Variants in WARS2 observed in about 807,000 individuals in gnomAD.
WARS2 encodes tryptophanyl tRNA synthetase 2, mitochondrial.
A neutral mutation model predicts 36.5 loss-of-function variants in WARS2; 28 were observed. The observed-to-expected ratio is 0.77, with a 90% CI of 0.57 to 1.05. The LOEUF is 1.05. Ranked by LOEUF, WARS2 falls within the 50% of genes least tolerant of loss-of-function variation. WARS2 has a pLI of 0.00. For synonymous variants in WARS2, 174 were observed against 178.4 expected, an observed-to-expected ratio of 0.98 and a Z score of 0.20; for missense variants, 435 against 456.8, an observed-to-expected ratio of 0.95 and a Z score of 0.44.
At chr1:119,077,005 T>C (rs1156255471) in intron 1 of WARS2, among the ~76,000 whole-genome samples, 2 of 151,738 alleles carry the variant, frequency 1.3e-5, no homozygotes, top group East Asian at 3.9e-4. Context: ...CTGGGCGTGG[T>C]GGTACACCTT....
chr1:119,123,412 A>C (rs905764769), intron 1 of WARS2, among the ~76,000 whole-genome samples: 3 of 152,192 alleles, frequency 2.0e-5, no homozygotes, highest in Admixed American at 2.0e-4. Flanking sequence ...CTCTGATTCC[A>C]TACCCATCAA....
At chr1:119,034,662 C>T (rs1176955895) in intron 4 of WARS2, among the ~76,000 whole-genome samples, 27 of 152,198 alleles carry the variant, frequency 1.8e-4, no homozygotes, top group Admixed American at 1.8e-3. Context: ...GCAGAAAGTT[C>T]TTCAGGCAAG....
chr1:119,035,861 G>A (rs1647837156), intron 4 of WARS2, among the ~76,000 whole-genome samples: 1 of 152,198 alleles, frequency 6.6e-6, no homozygotes, highest in Non-Finnish European at 1.5e-5. Flanking sequence ...AAGGCAAAAT[G>A]TAAGGACCAT....
chr1:119,137,682 C>T (rs587669282), intron 1 of WARS2, among the ~76,000 whole-genome samples: 1 of 152,314 alleles, frequency 6.6e-6, no homozygotes, highest in South Asian at 2.1e-4. Context: ...ACTCCTCTGA[C>T]TTTATGACTA....
At chr1:119,107,571 TAC>T (rs1654326147) in intron 1 of WARS2, among the ~76,000 whole-genome samples, 2 of 152,072 alleles carry the variant, frequency 1.3e-5, no homozygotes, top group African/African-American at 4.8e-5. Context: ...TAAATATATA[TAC>T]AGTCAACTGA....
intron 4 of WARS2, among the ~76,000 whole-genome samples, chr1:119,037,540 A>C (rs1647985081): frequency 6.6e-6 from 1 of 152,154 alleles, no homozygotes; most frequent in Non-Finnish European, 1.5e-5. Flanking sequence ...TGCTTGTAGG[A>C]TATGCAATAA....
intron 1 of WARS2, among the ~76,000 whole-genome samples, chr1:119,095,624 G>C (rs587757358): frequency 6.6e-6 from 1 of 152,200 alleles, no homozygotes; most frequent in East Asian, 1.9e-4. Flanking sequence ...GTACAGACAG[G>C]GTTTCACCAT....
chr1:119,095,667 G>A (rs773098750), intron 1 of WARS2, among the ~76,000 whole-genome samples: 29 of 152,062 alleles, frequency 1.9e-4, no homozygotes, highest in Non-Finnish European at 4.3e-4. Flanking sequence ...TCCTGACCTC[G>A]TGATCCACCT....
chr1:119,102,276 A>AT (rs1280418374), intron 1 of WARS2, among the ~76,000 whole-genome samples: 1 of 152,162 alleles, frequency 6.6e-6, no homozygotes, highest in Non-Finnish European at 1.5e-5. Flanking sequence ...TCATTGGTCT[A>AT]TTTTACTTAG....
At chr1:119,100,246 G>T (rs771022954) in intron 1 of WARS2, among the ~76,000 whole-genome samples, 1 of 152,012 alleles carries the variant, frequency 6.6e-6, no homozygotes, top group Non-Finnish European at 1.5e-5. Context: ...AATCAAAACC[G>T]CAATGAGATA....
At chr1:119,088,435 A>AACACACACACACACAC (rs113752727) in intron 1 of WARS2, among the ~76,000 whole-genome samples, 147 of 149,158 alleles carry the variant, frequency 9.9e-4, no homozygotes, top group South Asian at 8.6e-3. Context: ...GAAACACTGA[A>AACACACACACACACAC]ACACACACAC....
At chr1:119,093,397 A>T (rs770051517) in intron 1 of WARS2, among the ~76,000 whole-genome samples, 4 of 151,404 alleles carry the variant, frequency 2.6e-5, no homozygotes, top group Non-Finnish European at 5.9e-5. Flanking sequence ...TCCAAAATTC[A>T]TGTCTACCTA....
intron 1 of WARS2, chr1:119,140,297 C>G (rs370051031): frequency 1.1e-4 from 39 of 359,354 alleles, no homozygotes; most frequent in African/African-American, 8.2e-4. Context: ...GGCGGCGCTC[C>G]GCTCCCAGAA....
intron 1 of WARS2, among the ~76,000 whole-genome samples, chr1:119,115,911 C>G (rs758633558): frequency 2.6e-5 from 4 of 152,104 alleles, no homozygotes; most frequent in Non-Finnish European, 5.9e-5. Context: ...AAACATTAAC[C>G]AAGTGTGTGT....
chr1:119,045,412 A>C (rs763975344), intron 3 of WARS2, among the ~76,000 whole-genome samples, 170 bp downstream of exon 3: 3 of 152,218 alleles, frequency 2.0e-5, no homozygotes, highest in Non-Finnish European at 4.4e-5. Context: ...GAATCTTGGA[A>C]AATCCTTTTA....
intron 1 of WARS2, among the ~76,000 whole-genome samples, chr1:119,097,451 C>T (rs1365259392): frequency 6.6e-6 from 1 of 152,174 alleles, no homozygotes; most frequent in East Asian, 1.9e-4. Context: ...TACTTCCATA[C>T]TCTTGCTAAC....
chr1:119,060,450 A>G (rs959869219), intron 2 of WARS2, among the ~76,000 whole-genome samples: 6 of 152,200 alleles, frequency 3.9e-5, no homozygotes, highest in African/African-American at 1.4e-4. Context: ...CTCCCTCCTT[A>G]GGACATCATT....
rs1652100798 is a variant in WARS2, at chr1:119,080,465, A to G, written c.91-3858T>C. On this transcript the variant is annotated intron_variant, in intron 1 of 5. Coordinates refer to ENST00000235521, the MANE Select transcript of WARS2 (RefSeq NM_015836.4). Reference sequence around the variant, plus strand: ...ATCTAATACATCTTTTCCATTCTCTAGTTCCTGGGATTCTATACATTAGTG... The same window carrying G: ...ATCTAATACATCTTTTCCATTCTCTGGTTCCTGGGATTCTATACATTAGTG... Among the ~76,000 whole-genome samples the G allele has an allele frequency of 2.6e-5, 4 of 152,254 alleles. No individual in the cohort carries two copies. The South Asian group carries it at 8.3e-4, about 32-fold the overall frequency.
chr1:119,101,043 C>T (rs1264628114), intron 1 of WARS2, among the ~76,000 whole-genome samples: 1 of 152,030 alleles, frequency 6.6e-6, no homozygotes, highest in Non-Finnish European at 1.5e-5. Context: ...AGATAGATAA[C>T]AGAGACTGGG....
Sources: gnomAD v4.1 joint callset for allele counts (sites outside exome capture counted in the v4.1 genomes callset) on GRCh38, gnomAD v4.1.1 for gene constraint, MANE v1.5 for transcripts, NCBI Gene and HGNC (gene_info 2026-07-23, HGNC 2026-07-21) for gene names.